IL12RB2: variants seen among roughly 807,000 people sequenced by gnomAD.
The protein encoded by IL12RB2 is interleukin-12 receptor subunit beta-2.
In IL12RB2, 82 loss-of-function variants were observed where a neutral mutation model predicts 89.4. The ratio of observed to expected loss-of-function variants is 0.92; its 90% CI spans 0.77 to 1.10. The LOEUF is 1.10. IL12RB2 is among the 50% of genes least tolerant of loss of function. The pLI, the probability that IL12RB2 is intolerant of heterozygous loss-of-function variation, is 0.00. For missense variants in IL12RB2, 963 were observed against 1,031.9 expected (o/e 0.93, Z 0.92); for synonymous variants, 368 against 370.1 (o/e 0.99, Z 0.07).
rs746456201 is a variant in IL12RB2, at chr1:67,321,605, C to T, written c.80C>T (p.Ala27Val). Reference protein sequence around the residue: ...TWLLIKAKIDACKRGDVTVKP... With the variant: ...TWLLIKAKIDVCKRGDVTVKP... ...TTGCATCTGTATCTTATTGCAGATG[C>T]GTGCAAGAGAGGCGATGTGACTGTG... Residue 27 changes from alanine to valine, a missense_variant, in exon 4 of 17, where the codon GCG becomes GTG. Transcript: ENST00000674203. 6.9e-6 allele frequency: 11 copies of T among 1,588,844 alleles called. No homozygotes were observed. The highest frequency in any genetic ancestry group is 5.0e-5 in the Admixed American group (3 of 59,982).
At chr1:67,354,987 A>G (rs1661227531) in intron 10 of IL12RB2, among the ~76,000 whole-genome samples, 1 of 152,164 alleles carries the variant, frequency 6.6e-6, no homozygotes, top group Admixed American at 6.5e-5. Flanking sequence ...ATGGTGGCAC[A>G]TGACTGTTTT....
chr1:67,354,272 C>T (rs886104367), intron 10 of IL12RB2, among the ~76,000 whole-genome samples: 1 of 151,854 alleles, frequency 6.6e-6, no homozygotes, highest in African/African-American at 2.4e-5. Context: ...GGTGTGCAGG[C>T]GTGAGGGTTT....
intron 8 of IL12RB2, among the ~76,000 whole-genome samples, chr1:67,335,227 G>T (rs1415075381): frequency 6.6e-6 from 1 of 152,210 alleles, no homozygotes; most frequent in Non-Finnish European, 1.5e-5. Flanking sequence ...CAGAGAAGGA[G>T]AAATTAATGA....
intron 8 of IL12RB2, among the ~76,000 whole-genome samples, chr1:67,332,959 C>G (rs1658287876): frequency 6.6e-6 from 1 of 152,144 alleles, no homozygotes; most frequent in Admixed American, 6.5e-5. Context: ...AGCACAGTAA[C>G]TTTCTTATTT....
chr1:67,342,746 T>C lies in IL12RB2; in HGVS notation c.1038+4043T>C, dbSNP rs72678534. Among the ~76,000 whole-genome samples, 12 of 149,218 alleles carry C rather than the reference T, an allele frequency of 8.0e-5. 1 individual carries two copies. The highest frequency in any genetic ancestry group is 1.2e-4 in the Non-Finnish European group (8 of 67,668). ...TTTCCTCAAAAATATCTTGTACTAC[T>C]TTTTAAAATCACACCTTTTTTTTTT... On this transcript the variant is annotated intron_variant, in intron 9 of 16. Transcript: ENST00000674203.
At chr1:67,312,459 A>C (rs934520211) in intron 1 of IL12RB2, among the ~76,000 whole-genome samples, 1 of 152,194 alleles carries the variant, frequency 6.6e-6, no homozygotes, top group Non-Finnish European at 1.5e-5. Context: ...TGCTTGTTCA[A>C]TCTATAGGAT....
At chr1:67,308,405 TGTGA>T (rs1407964205) in intron 1 of IL12RB2, among the ~76,000 whole-genome samples, 4 of 151,948 alleles carry the variant, frequency 2.6e-5, no homozygotes, top group Non-Finnish European at 5.9e-5. Flanking sequence ...ATGTATCAAA[TGTGA>T]GTAAGATATT....
chr1:67,363,211 A>ATTTTTTTTT (rs199805464), intron 10 of IL12RB2, among the ~76,000 whole-genome samples: 6 of 97,186 alleles, frequency 6.2e-5, no homozygotes, highest in Admixed American at 2.3e-4. Context: ...AATTATTCTT[A>ATTTTTTTTT]TTTTTTTTTT....
Position 67,390,059 on chromosome 1 carries a change from T to C in IL12RB2, c.1977T>C (p.Pro659=). ...KVFVLLAALR[P]QWCSREIPDP... ...TTGTTCTCCTAGCAGCCCTCAGACC[T>C]CAGTGGTGTAGCAGAGAAATTCCAG... The change falls in exon 16 of 17, where the codon CCT becomes CCC. Residue 659 remains proline, a synonymous_variant. Transcript: ENST00000674203. The C allele has an allele frequency of 7.3e-7, 1 of 1,371,108 alleles. No individual in the cohort carries two copies. The highest frequency in any genetic ancestry group is 1.0e-6 in the Non-Finnish European group (1 of 957,932). 84.9% of individuals were successfully genotyped at this position (1,371,108 alleles called of 1,614,324 possible). A position where few individuals can be genotyped will look rare whatever the true frequency, so the allele number is the denominator to read the frequency against.
intron 13 of IL12RB2, 114 bp downstream of exon 13, chr1:67,372,897 T>C: frequency 1.3e-6 from 1 of 779,892 alleles, no homozygotes. Flanking sequence ...GCCTGGCATA[T>C]AGTAAGTACT....
chr1:67,345,351 T>C (rs1660099170), intron 9 of IL12RB2, among the ~76,000 whole-genome samples: 1 of 152,230 alleles, frequency 6.6e-6, no homozygotes, highest in South Asian at 2.1e-4. Context: ...AGAGAGACTG[T>C]TGTGAAAGGA....
At chr1:67,325,209 C>T (rs907404856) in intron 4 of IL12RB2, among the ~76,000 whole-genome samples, 1 of 152,248 alleles carries the variant, frequency 6.6e-6, no homozygotes, top group African/African-American at 2.4e-5. Flanking sequence ...TTATTGGCAA[C>T]ATTCCTTTAT....
At chr1:67,328,092 T>G in intron 5 of IL12RB2, 108 bp from the exon 6 acceptor site, 1 of 865,746 alleles carries the variant, frequency 1.2e-6, no homozygotes, top group South Asian at 1.4e-5. Context: ...GATTGACCTT[T>G]AAAAATTGTC....
chr1:67,324,617 T>C lies in IL12RB2; in HGVS notation c.365-2118T>C, dbSNP rs150855560. 1.6e-3 allele frequency among the ~76,000 whole-genome samples: 237 copies of C among 152,272 alleles called. 7 individuals are homozygous for C. In the East Asian group the frequency reaches 0.038, roughly 25 times the overall value. On this transcript the variant is annotated intron_variant, in intron 4 of 16. Transcript: ENST00000674203. ...CTGCCTGCCTCGGCCTCCCAAAGTG[T>C]TGGAATTACAGGCATGAGCCACTGT...
At chr1:67,316,912 T>G (rs1489675229) in intron 2 of IL12RB2, among the ~76,000 whole-genome samples, 1 of 152,226 alleles carries the variant, frequency 6.6e-6, no homozygotes, top group African/African-American at 2.4e-5. Context: ...TTTTGTTTTT[T>G]GCCTGTCTAC....
intron 14 of IL12RB2, among the ~76,000 whole-genome samples, chr1:67,382,708 A>ATTTTTTTTTTTT (rs10693344): frequency 1.5e-5 from 2 of 134,870 alleles, no homozygotes; most frequent in African/African-American, 2.8e-5. Flanking sequence ...CCAACTCTAC[A>ATTTTTTTTTTTT]TTTTTTTTTT....
chr1:67,379,699 C>G (rs1350519343), intron 13 of IL12RB2, among the ~76,000 whole-genome samples: 1 of 151,018 alleles, frequency 6.6e-6, no homozygotes, highest in Non-Finnish European at 1.5e-5. Context: ...AAGATTTTAC[C>G]ACAAAACACA....
chr1:67,360,971 C>A (rs1661977626), intron 10 of IL12RB2, among the ~76,000 whole-genome samples: 1 of 151,620 alleles, frequency 6.6e-6, no homozygotes, highest in African/African-American at 2.4e-5. Flanking sequence ...AAGGAAATAC[C>A]CAACTCCAAT....
Position 67,379,971 on chromosome 1 carries a change from T to C in IL12RB2, c.1718-15T>C. ...TCCTTTAATACATGCCTTTCTTCCT[T>C]TATCTTCCTTTCAGAAATTCCCTAC... On this transcript the variant is annotated splice_polypyrimidine_tract_variant and intron_variant, in intron 13 of 16. Coordinates refer to ENST00000674203, the MANE Select transcript of IL12RB2 (RefSeq NM_001374259.2). The C allele has an allele frequency of 6.3e-7, 1 of 1,579,424 alleles. No individual in the cohort carries two copies. The highest frequency in any genetic ancestry group is 2.3e-5 in the East Asian group (1 of 44,312).
Sources: allele counts gnomAD v4.1 joint callset (sites outside exome capture counted in the v4.1 genomes callset), GRCh38; gene constraint gnomAD v4.1.1; transcripts MANE v1.5; gene names NCBI Gene and HGNC (gene_info 2026-07-23, HGNC 2026-07-21).